LRRC4B: variants seen among roughly 807,000 people sequenced by gnomAD.
LRRC4B encodes leucine rich repeat containing 4B.
Under a neutral mutation model 7.3 loss-of-function variants are expected in LRRC4B, and 1 was observed. The observed-to-expected ratio is 0.14, with a 90% CI of 0.05 to 0.65. The LOEUF is 0.65. Ranked by LOEUF, LRRC4B falls within the 30% of genes least tolerant of loss-of-function variation. The probability of loss-of-function intolerance (pLI) is 0.84; values close to 1 mark genes in which losing one functional copy is unlikely to be tolerated. For synonymous variants in LRRC4B, 500 were observed against 499.2 expected (o/e 1.00, Z -0.02); for missense variants, 730 against 1,041.6 (o/e 0.70, Z 4.12).
chr19:50,567,968 G>A lies in LRRC4B; in HGVS notation c.-60C>T, dbSNP rs1406427900. 1 of 149,084 alleles carries A rather than the reference G, an allele frequency of 6.7e-6. No individual in the cohort carries two copies. Among genetic ancestry groups the A allele is most frequent in the African/African-American group, 2.5e-5 (1 of 40,474 alleles). The allele number at this position is 149,084 out of a possible 1,614,324, so 9.2% of individuals were successfully genotyped here. On this transcript the variant is annotated 5_prime_UTR_variant, in exon 1 of 3. Coordinates refer to ENST00000652263, the MANE Select transcript of LRRC4B (RefSeq NM_001080457.2). Reference sequence around the variant, plus strand: ...CAGCGAGGAGAGGGGTTCCTTCCGGGGGGCAGCATGCCCGGCCCGTGGGGG... The same window carrying A: ...CAGCGAGGAGAGGGGTTCCTTCCGGAGGGCAGCATGCCCGGCCCGTGGGGG...
intron 2 of LRRC4B, among the ~76,000 whole-genome samples, chr19:50,533,430 A>C (rs1055585537): frequency 2.8e-5 from 4 of 145,368 alleles, no homozygotes; most frequent in African/African-American, 1.1e-4. Flanking sequence ...CACAGACCAA[A>C]GACCAGTTAA....
At chr19:50,529,288 G>A (rs765899186) in intron 2 of LRRC4B, among the ~76,000 whole-genome samples, 8 of 152,002 alleles carry the variant, frequency 5.3e-5, no homozygotes, top group Admixed American at 2.0e-4. Context: ...GGGAGACAGC[G>A]GCTTTGTTTT....
At chr19:50,546,569 G>A (rs1478798431) in intron 2 of LRRC4B, among the ~76,000 whole-genome samples, 1 of 152,126 alleles carries the variant, frequency 6.6e-6, no homozygotes, top group Non-Finnish European at 1.5e-5. Context: ...GAGGCGTCTG[G>A]ATCCCTATTG....
chr19:50,521,697 A>G (rs563338443), intron 2 of LRRC4B, among the ~76,000 whole-genome samples: 4 of 151,794 alleles, frequency 2.6e-5, no homozygotes, highest in African/African-American at 9.7e-5. Context: ...AAGTGCTGGG[A>G]TTACAGGCGT....
At chr19:50,527,448 A>G (rs1168701581) in intron 2 of LRRC4B, among the ~76,000 whole-genome samples, 1 of 151,100 alleles carries the variant, frequency 6.6e-6, no homozygotes, top group Non-Finnish European at 1.5e-5. Flanking sequence ...CAGTGTCCCA[A>G]AGTGCTGGGA....
chr19:50,538,597 C>A (rs1484779355), intron 2 of LRRC4B, among the ~76,000 whole-genome samples: 1 of 106,942 alleles, frequency 9.4e-6, no homozygotes, highest in South Asian at 3.2e-4. Context: ...GAGACAGAGT[C>A]TTGCTCTGCC....
rs917891709 is a variant in LRRC4B at position 50,537,191 on chromosome 19, C to G, written c.297+11351G>C. On this transcript the variant is annotated intron_variant, in intron 2 of 2. Coordinates refer to ENST00000652263, the MANE Select transcript of LRRC4B (RefSeq NM_001080457.2). The surrounding 1 kb of genome is among the most constrained non-coding windows in gnomAD (Gnocchi z 5.5). ...ATCGCGTTGAAAAAACCAAGTTCTG[C>G]AGCCAGCCTGCCTGGGCCGAGTCCC... is the stretch of plus-strand genomic sequence containing the variant. Among the ~76,000 whole-genome samples, 3 of 152,194 alleles carry G rather than the reference C, an allele frequency of 2.0e-5. No individual in the cohort carries two copies. The highest frequency in any genetic ancestry group is 7.2e-5 in the African/African-American group (3 of 41,452).
chr19:50,554,611 G>A (rs1035256573), intron 1 of LRRC4B, among the ~76,000 whole-genome samples: 4 of 152,138 alleles, frequency 2.6e-5, no homozygotes, highest in Non-Finnish European at 5.9e-5. Flanking sequence ...CATCTCTTCC[G>A]CACACACATC....
At position 50,551,342 on chromosome 19, in the gene LRRC4B, G is replaced by A. The variant is rs185562054; in HGVS notation, c.-35-2469C>T. On this transcript the variant is annotated intron_variant, in intron 1 of 2. Coordinates refer to ENST00000652263, the MANE Select transcript of LRRC4B (RefSeq NM_001080457.2). The stretch of plus-strand genomic sequence containing the variant: ...GCGCAGGGGCTTCTTGGGTCTCCCC[G>A]CGCCCCCCCCACTGGCCTGTCGCCC... 7.0e-3 allele frequency among the ~76,000 whole-genome samples: 1,055 copies of A among 149,982 alleles called. 7 individuals are homozygous for A. Among genetic ancestry groups the A allele is most frequent in the African/African-American group, 0.024 (989 of 40,598 alleles).
chr19:50,531,820 G>A (rs1157279194), intron 2 of LRRC4B, among the ~76,000 whole-genome samples: 2 of 152,198 alleles, frequency 1.3e-5, no homozygotes, highest in African/African-American at 4.8e-5. Context: ...TTACTGTGAT[G>A]CTTGGACAAG....
At chr19:50,554,716 C>T (rs901745927) in intron 1 of LRRC4B, among the ~76,000 whole-genome samples, 4 of 152,252 alleles carry the variant, frequency 2.6e-5, no homozygotes, top group Admixed American at 1.3e-4. Flanking sequence ...GGGAGCTTTA[C>T]TTGCATTAGC....
rs1336188355 is a variant in LRRC4B, at chr19:50,518,120, G to C, written c.1593C>G (p.Ala531=). 6.3e-7 allele frequency: 1 copy of C among 1,593,130 alleles called. No individual in the cohort carries two copies. Among genetic ancestry groups the C allele is most frequent in the Admixed American group, 1.8e-5 (1 of 55,090 alleles). The change falls in exon 3 of 3, where the codon GCC becomes GCG. Residue 531 remains alanine, a synonymous_variant. Transcript: ENST00000652263. ...CCGTGGTAGAAGACGAGGCAGGGCC[G>C]GCCGCGTCCCCAGGCCGGCCCCCAC... The part of the protein sequence containing the change: ...VWGGGRPGDA[A]GPASSSTTAP...
intron 2 of LRRC4B, among the ~76,000 whole-genome samples, chr19:50,520,248 G>GAAAAAAAAAAAAAAAAAAAAAAAAAAAAA (rs1163666534): frequency 6.9e-5 from 1 of 14,452 alleles, no homozygotes; most frequent in Admixed American, 1.3e-3. Context: ...AAAAAAAAAA[G>GAAAAAAAAAAAAAAAAAAAAAAAAAAAAA]AAGAAAAGAA....
In LRRC4B at chr19:50,528,135, T is replaced by C. The variant is rs888310431; in HGVS notation, c.298-8720A>G. 3.9e-5 allele frequency among the ~76,000 whole-genome samples: 6 copies of C among 152,034 alleles called. No individual in the cohort carries two copies. The South Asian group carries it at 6.2e-4, about 16-fold the overall frequency. ...ATAACTCACTGCAGCCTCAACCTCCTGGGTCCCAGTGATTCTCCCACCTCA... is the reference window on the plus strand; with the variant it reads ...ATAACTCACTGCAGCCTCAACCTCCCGGGTCCCAGTGATTCTCCCACCTCA... On this transcript the variant is annotated intron_variant, in intron 2 of 2. Transcript: ENST00000652263.
Position 50,518,912 on chromosome 19 carries a change from G to C in LRRC4B, c.801C>G (p.Thr267=). ...GGTCGTCGAAGGCGTTGCGCTCGAT[G>C]GTGGCTACCTGGGCGTGCATGAGCC... ...KLWLMHAQVA[T]IERNAFDDLK... The change falls in exon 3 of 3, where the codon ACC becomes ACG. Residue 267 remains threonine, a synonymous_variant. Transcript: ENST00000652263. 6.2e-7 allele frequency: 1 copy of C among 1,614,052 alleles called. No homozygotes were observed. Among genetic ancestry groups the C allele is most frequent in the Non-Finnish European group, 8.5e-7 (1 of 1,179,982 alleles).
Position 50,518,447 on chromosome 19 carries a change from G to A in LRRC4B, c.1266C>T (p.Asn422=), listed in dbSNP as rs1383355646. 1 of 1,552,112 alleles carries A rather than the reference G, an allele frequency of 6.4e-7. No individual in the cohort carries two copies. Among genetic ancestry groups the A allele is most frequent in the African/African-American group, 1.4e-5 (1 of 73,340 alleles). Residue 422 remains asparagine, a synonymous_variant, in exon 3 of 3, where the codon AAC becomes AAT. Coordinates refer to ENST00000652263, the MANE Select transcript of LRRC4B (RefSeq NM_001080457.2). ...TGTCCTGCACGGTGACGTTGGTGAA[G>A]TTAAGCGTGCCGTCATGCAGGACGG... ...RISVLHDGTL[N]FTNVTVQDTG... is the part of the protein sequence containing the mutation.
At chr19:50,542,517 C>T (rs553532291) in intron 2 of LRRC4B, among the ~76,000 whole-genome samples, 1 of 144,154 alleles carries the variant, frequency 6.9e-6, no homozygotes, top group African/African-American at 2.6e-5. Context: ...CGCTCTGTCA[C>T]TCAGGCGGGA....
At chr19:50,566,982 G>A (rs1011737972) in intron 1 of LRRC4B, among the ~76,000 whole-genome samples, 1 of 151,620 alleles carries the variant, frequency 6.6e-6, no homozygotes, top group African/African-American at 2.4e-5. Flanking sequence ...GCTGAAGTGA[G>A]GGTCTCCTGG....
At chr19:50,561,867 A>G (rs1259937977) in intron 1 of LRRC4B, among the ~76,000 whole-genome samples, 2 of 152,114 alleles carry the variant, frequency 1.3e-5, no homozygotes, top group East Asian at 3.8e-4. Flanking sequence ...AGGCTGAGGC[A>G]GGTGGGTCAC....
Sources: gnomAD v4.1 joint callset for allele counts (sites outside exome capture counted in the v4.1 genomes callset) on GRCh38, gnomAD v4.1.1 for gene constraint, Gnocchi (gnomAD v3.1) non-coding constraint, MANE v1.5 for transcripts, NCBI Gene and HGNC (gene_info 2026-07-23, HGNC 2026-07-21) for gene names.